Variants in TAS2R1 observed in about 807,000 individuals in gnomAD.
TAS2R1 encodes the protein taste receptor type 2 member 1.
For missense variants in TAS2R1, 370 were observed against 353.4 expected, an observed-to-expected ratio of 1.05 and a Z score of -0.38; for synonymous variants, 141 against 134.2, an observed-to-expected ratio of 1.05 and a Z score of -0.35.
the TAS2R1 span, among the ~76,000 whole-genome samples, chr5:9,778,247 G>T: frequency 6.6e-6 from 1 of 152,222 alleles, no homozygotes; most frequent in Admixed American, 6.5e-5. Context: ...CTAAACAGTA[G>T]ATCTCGATGG....
At chr5:9,842,312 CTCTCTTT>C in the TAS2R1 span, among the ~76,000 whole-genome samples, 1 of 120,378 alleles carries the variant, frequency 8.3e-6, no homozygotes, top group African/African-American at 3.0e-5. Flanking sequence ...GTCTTTCTTT[CTCTCTTT>C]TTTTTTTTTT....
At chr5:9,686,150 C>T (rs986720299) in intron 1 of TAS2R1, among the ~76,000 whole-genome samples, 2 of 152,194 alleles carry the variant, frequency 1.3e-5, no homozygotes, top group Non-Finnish European at 2.9e-5. Context: ...CAGGCGTGTG[C>T]CACCGCGCCT....
intron 1 of TAS2R1, among the ~76,000 whole-genome samples, chr5:9,692,721 C>A (rs755233573): frequency 6.6e-6 from 1 of 152,188 alleles, no homozygotes; most frequent in Admixed American, 6.5e-5. Context: ...AAGAGCCAGG[C>A]CTCCTTGGAT....
the TAS2R1 span, among the ~76,000 whole-genome samples, chr5:9,859,697 T>C: frequency 6.6e-6 from 1 of 152,210 alleles, no homozygotes; most frequent in Admixed American, 6.5e-5. Context: ...CCTCAGTTGC[T>C]GCTTGCCTCT....
chr5:9,857,289 A>T, the TAS2R1 span, among the ~76,000 whole-genome samples: 2 of 152,240 alleles, frequency 1.3e-5, no homozygotes, highest in African/African-American at 4.8e-5. Flanking sequence ...TGCCTAGAAG[A>T]ATTGCAAGAC....
the TAS2R1 span, among the ~76,000 whole-genome samples, chr5:9,722,407 A>C: frequency 7.2e-5 from 11 of 152,252 alleles, no homozygotes; most frequent in African/African-American, 2.2e-4. Flanking sequence ...TTGTACTAAC[A>C]CTATCTGGAA....
intron 1 of TAS2R1, among the ~76,000 whole-genome samples, chr5:9,703,202 T>A (rs1741528667): frequency 6.6e-6 from 1 of 152,088 alleles, no homozygotes; most frequent in African/African-American, 2.4e-5. Flanking sequence ...AGTGAAGACA[T>A]CTCATGTGTA....
At chr5:9,842,343 G>T in the TAS2R1 span, among the ~76,000 whole-genome samples, 2 of 119,598 alleles carry the variant, frequency 1.7e-5, no homozygotes, top group African/African-American at 3.4e-5. Flanking sequence ...TTTTTTGAGA[G>T]ACAGTCTCAC....
chr5:9,887,120 C>G, the TAS2R1 span, among the ~76,000 whole-genome samples: 2 of 152,210 alleles, frequency 1.3e-5, no homozygotes, highest in African/African-American at 4.8e-5. Context: ...CATTTATACT[C>G]TATCCACAGA....
chr5:9,784,546 A>G, the TAS2R1 span, among the ~76,000 whole-genome samples: 15 of 152,346 alleles, frequency 9.8e-5, no homozygotes, highest in East Asian at 2.3e-3. Flanking sequence ...AAGAATCATG[A>G]AAAGGTCTCA....
chr5:9,791,598 C>A, the TAS2R1 span, among the ~76,000 whole-genome samples: 2 of 152,124 alleles, frequency 1.3e-5, no homozygotes, highest in Non-Finnish European at 2.9e-5. Flanking sequence ...GCACAACAGG[C>A]TGAGGCAAGA....
intron 2 of TAS2R1, among the ~76,000 whole-genome samples, chr5:9,647,830 C>G (rs1740222791): frequency 6.6e-6 from 1 of 152,076 alleles, no homozygotes; most frequent in African/African-American, 2.4e-5. Context: ...AATTTATTAT[C>G]TATTCTCCCT....
chr5:9,808,079 A>G, the TAS2R1 span, among the ~76,000 whole-genome samples: 2 of 152,208 alleles, frequency 1.3e-5, no homozygotes, highest in Admixed American at 1.3e-4. Flanking sequence ...TGCATGCTAG[A>G]AAAAGCCAAG....
intron 1 of TAS2R1, among the ~76,000 whole-genome samples, chr5:9,670,828 G>A (rs1035230790): frequency 6.6e-6 from 1 of 151,924 alleles, no homozygotes; most frequent in Non-Finnish European, 1.5e-5. Flanking sequence ...ACCTGGCAAA[G>A]ATACAACAAA....
At position 9,691,880 on chromosome 5, in the gene TAS2R1, G is replaced by A. The variant is rs142396919; in HGVS notation, c.-242+20292C>T. On this transcript the variant is annotated intron_variant, in intron 1 of 2. Transcript: ENST00000506620. ...CCTTAATAATGAAGCAGAGAATCAG[G>A]TCTGGGCAGATCAGATCATAATTTC... Among the ~76,000 whole-genome samples the A allele has an allele frequency of 7.8e-3, 1,182 of 152,290 alleles. 26 individuals are homozygous for A. Among genetic ancestry groups the A allele is most frequent in the African/African-American group, 0.027 (1,138 of 41,558 alleles).
the TAS2R1 span, among the ~76,000 whole-genome samples, chr5:9,724,035 T>C: frequency 6.6e-6 from 1 of 152,220 alleles, no homozygotes; most frequent in African/African-American, 2.4e-5. Flanking sequence ...GAGAATTGCA[T>C]TGATCACTTT....
the TAS2R1 span, among the ~76,000 whole-genome samples, chr5:9,866,115 T>C: frequency 1.8e-3 from 274 of 152,336 alleles, no homozygotes; most frequent in African/African-American, 6.2e-3. Context: ...AATATCTCTC[T>C]GGACATATTC....
chr5:9,743,392 A>G, the TAS2R1 span, among the ~76,000 whole-genome samples: 2 of 151,958 alleles, frequency 1.3e-5, no homozygotes, highest in Non-Finnish European at 2.9e-5. Flanking sequence ...ATATGTATAC[A>G]TGTGCCATGT....
chr5:9,757,528 T>A, the TAS2R1 span, among the ~76,000 whole-genome samples: 2 of 152,170 alleles, frequency 1.3e-5, no homozygotes, highest in Admixed American at 1.3e-4. Context: ...CCCTTTTACA[T>A]CTTCTTAAAG....
Sources: allele counts gnomAD v4.1 joint callset (sites outside exome capture counted in the v4.1 genomes callset), GRCh38; gene constraint gnomAD v4.1.1; transcripts MANE v1.5; gene names NCBI Gene and HGNC (gene_info 2026-07-23, HGNC 2026-07-21).